The following SULF1 variants were observed in gnomAD, a reference collection of about 807,000 sequenced individuals.
The protein encoded by SULF1 is sulfatase 1.
A neutral mutation model predicts 110.5 loss-of-function variants in SULF1; 46 were observed. The ratio of observed to expected loss-of-function variants is 0.42; its 90% confidence interval spans 0.33 to 0.53. The LOEUF is 0.53. Ranked by LOEUF, SULF1 falls within the 20% of genes least tolerant of loss-of-function variation. The probability of loss-of-function intolerance (pLI) is 0.12; values close to 1 mark genes in which losing one functional copy is unlikely to be tolerated. For synonymous variants in SULF1, 371 were observed against 387.1 expected (o/e 0.96, Z 0.49); for missense variants, 941 against 1,094.2 (o/e 0.86, Z 1.98).
chr8:69,609,419 C>T (rs1045202044), intron 13 of SULF1, among the ~76,000 whole-genome samples: 2 of 152,096 alleles, frequency 1.3e-5, no homozygotes, highest in African/African-American at 4.8e-5. Context: ...TGCTGATGCA[C>T]CCCCCAGACC....
chr8:69,648,866 AAAGT>A (rs758948471), intron 22 of SULF1, among the ~76,000 whole-genome samples: 3 of 152,334 alleles, frequency 2.0e-5, no homozygotes, highest in East Asian at 1.9e-4. Flanking sequence ...TAAGTTTTTA[AAAGT>A]AAGTAAGTGT....
rs576647527 is a variant in SULF1, at chr8:69,514,933, G to A, written c.-134+12965G>A. ...AAGCAGTGGGCTCCCAAGGCTTTGG[G>A]AAGTTCTGCCTCTGTGGTTCTGCAG... is the stretch of plus-strand genomic sequence containing the variant. On this transcript the variant is annotated intron_variant, in intron 3 of 22. Coordinates refer to ENST00000402687, the MANE Select transcript of SULF1 (RefSeq NM_001128205.2). Among the ~76,000 whole-genome samples the A allele has an allele frequency of 1.9e-3, 292 of 152,328 alleles. 1 individual carries two copies. Among genetic ancestry groups the A allele is most frequent in the Middle Eastern group, 6.8e-3 (2 of 294 alleles).
rs570636551 is a variant in SULF1 at position 69,634,678 on chromosome 8, T to C, written c.2285-3824T>C. 1.2e-4 allele frequency among the ~76,000 whole-genome samples: 18 copies of C among 152,074 alleles called. No homozygotes were observed. The East Asian group carries it at 3.5e-3, about 29-fold the overall frequency. ...TGGGAGGCTGAGGTGGGAGAGTCAC[T>C]TGAGCCCCAGTGGAGGAGGCTGCAG... On this transcript the variant is annotated intron_variant, in intron 19 of 22. Transcript: ENST00000402687.
intron 1 of SULF1, among the ~76,000 whole-genome samples, chr8:69,477,587 G>A (rs887725223): frequency 5.9e-5 from 9 of 152,112 alleles, no homozygotes; most frequent in African/African-American, 2.2e-4. Flanking sequence ...CACACTATTA[G>A]CAATGAAATA....
intron 7 of SULF1, among the ~76,000 whole-genome samples, 186 bp from the exon 8 acceptor site, chr8:69,588,786 C>T (rs1409117836): frequency 6.6e-6 from 1 of 152,054 alleles, no homozygotes; most frequent in Non-Finnish European, 1.5e-5. Flanking sequence ...CCCTAGAAAA[C>T]AACTGGCAGC....
chr8:69,474,817 C>T lies in SULF1; in HGVS notation c.-391+7867C>T, dbSNP rs371210603. On this transcript the variant is annotated intron_variant, in intron 1 of 22. Transcript: ENST00000260128. Reference sequence around the variant, plus strand: ...CTCTGTAAAATGGAGTTAAGTTTATCACAAAAGGTTGTTATAAAGATTAGA... The same window carrying T: ...CTCTGTAAAATGGAGTTAAGTTTATTACAAAAGGTTGTTATAAAGATTAGA... 8.5e-5 allele frequency among the ~76,000 whole-genome samples: 13 copies of T among 152,156 alleles called. No homozygotes were observed. In the East Asian group the frequency reaches 2.1e-3, roughly 25 times the overall value.
intron 3 of SULF1, among the ~76,000 whole-genome samples, chr8:69,545,603 CAT>C (rs1425438880): frequency 1.3e-5 from 2 of 152,182 alleles, no homozygotes; most frequent in African/African-American, 2.4e-5. Flanking sequence ...CCAGTCATGA[CAT>C]GTGACAAATG....
chr8:69,507,434 C>T (rs535561554), intron 3 of SULF1, among the ~76,000 whole-genome samples: 83 of 152,052 alleles, frequency 5.5e-4, no homozygotes, highest in Non-Finnish European at 1.0e-3. Context: ...TTTTAGGTTC[C>T]TTTTCTCAAT....
At chr8:69,643,234 T>C (rs1020668859) in intron 22 of SULF1, among the ~76,000 whole-genome samples, 5 of 152,220 alleles carry the variant, frequency 3.3e-5, no homozygotes, top group African/African-American at 1.2e-4. Context: ...GATGTGGCCT[T>C]ACCTGCTCCT....
intron 3 of SULF1, among the ~76,000 whole-genome samples, chr8:69,524,779 A>G (rs1812548409): frequency 2.6e-5 from 4 of 152,228 alleles, no homozygotes; most frequent in Admixed American, 2.6e-4. Flanking sequence ...AGAAAGTATC[A>G]AGGGGCCAAT....
At chr8:69,630,063 A>G (rs12543013) in intron 19 of SULF1, among the ~76,000 whole-genome samples, 72,993 of 151,964 alleles carry the variant, frequency 0.48, 17,797 homozygotes, top group East Asian at 0.73. Context: ...TTTCAAGTAC[A>G]TAAGTGTAAT....
rs1337706941 is a variant in SULF1 at position 69,521,824 on chromosome 8, T to C, written c.-134+19856T>C. 2.7e-5 allele frequency among the ~76,000 whole-genome samples: 4 copies of C among 146,972 alleles called. No homozygotes were observed. In the South Asian group the frequency reaches 8.5e-4, roughly 31 times the overall value. On this transcript the variant is annotated intron_variant, in intron 3 of 22. Coordinates refer to ENST00000402687, the MANE Select transcript of SULF1 (RefSeq NM_001128205.2). The stretch of plus-strand genomic sequence containing the variant: ...CTCTATCTATCATGTTGTGGGTAGA[T>C]GATAGATGGGCCAAGGTAAAAAAAA...
At chr8:69,577,494 C>A (rs1805703039) in intron 6 of SULF1, among the ~76,000 whole-genome samples, 1 of 152,176 alleles carries the variant, frequency 6.6e-6, no homozygotes, top group Non-Finnish European at 1.5e-5. Context: ...TGTGTGAAAT[C>A]AGTGCCTTTC....
intron 1 of SULF1, among the ~76,000 whole-genome samples, chr8:69,484,035 A>T (rs1809605093): frequency 6.6e-6 from 1 of 152,210 alleles, no homozygotes; most frequent in South Asian, 2.1e-4. Context: ...AGTTTGACTG[A>T]CTTGGCCAAG....
At chr8:69,561,054 G>T (rs773291186) in intron 3 of SULF1, among the ~76,000 whole-genome samples, 1 of 152,176 alleles carries the variant, frequency 6.6e-6, no homozygotes, top group Non-Finnish European at 1.5e-5. Flanking sequence ...CTGTTGCCCA[G>T]CAAGGTGACC....
chr8:69,526,563 A>G (rs1363157564), intron 3 of SULF1, among the ~76,000 whole-genome samples: 2 of 150,634 alleles, frequency 1.3e-5, no homozygotes, highest in African/African-American at 4.9e-5. Context: ...AGAATTCGAG[A>G]CCAGCCTAGG....
At chr8:69,569,766 G>A (rs1805094020) in intron 5 of SULF1, among the ~76,000 whole-genome samples, 1 of 152,156 alleles carries the variant, frequency 6.6e-6, no homozygotes, top group Non-Finnish European at 1.5e-5. Context: ...GGGCCAGGAG[G>A]AAATGATGAG....
intron 1 of SULF1, among the ~76,000 whole-genome samples, chr8:69,469,687 A>G (rs1472054148): frequency 6.6e-6 from 1 of 152,186 alleles, no homozygotes. Flanking sequence ...TTATGTATCC[A>G]TATTGGAAGG....
At chr8:69,627,447 C>T in intron 16 of SULF1, 141 bp downstream of exon 16, 1 of 649,170 alleles carries the variant, frequency 1.5e-6, no homozygotes, top group Non-Finnish European at 2.7e-6. Context: ...AGTTATTTGT[C>T]TTTCTCCAGT....
Sources: allele counts gnomAD v4.1 joint callset (sites outside exome capture counted in the v4.1 genomes callset), GRCh38; gene constraint gnomAD v4.1.1; transcripts MANE v1.5; gene names NCBI Gene and HGNC (gene_info 2026-07-23, HGNC 2026-07-21).